KIF5C: variants seen among roughly 807,000 people sequenced by gnomAD.
The protein encoded by KIF5C is kinesin family member 5C, also known as kinesin heavy chain isoform 5C.
A neutral mutation model predicts 125.2 loss-of-function variants in KIF5C; 18 were observed. The ratio of observed to expected loss-of-function variants is 0.14; its 90% CI spans 0.10 to 0.21. The LOEUF (loss-of-function observed/expected upper bound fraction) is 0.21. Ranked by LOEUF, KIF5C falls within the 10% of genes least tolerant of loss-of-function variation. The pLI, the probability that KIF5C is intolerant of heterozygous loss-of-function variation, is 1.00. For synonymous variants in KIF5C, 405 were observed against 434.0 expected, an observed-to-expected ratio of 0.93 and a Z score of 0.83; for missense variants, 780 against 1,183.8, an observed-to-expected ratio of 0.66 and a Z score of 5.01.
At chr2:149,018,285 C>A (rs748490131) in intron 25 of KIF5C, among the ~76,000 whole-genome samples, 7 of 151,954 alleles carry the variant, frequency 4.6e-5, no homozygotes, top group Non-Finnish European at 8.8e-5. Context: ...TGAGATTCTA[C>A]CTCAAAAATA....
At chr2:148,902,635 G>C (rs940370280) in intron 1 of KIF5C, among the ~76,000 whole-genome samples, 3 of 152,170 alleles carry the variant, frequency 2.0e-5, no homozygotes, top group Admixed American at 6.5e-5. Context: ...TCTGTAGTAA[G>C]TACTTTGCCA....
At chr2:148,890,279 G>C (rs1681668352) in intron 1 of KIF5C, among the ~76,000 whole-genome samples, 1 of 152,148 alleles carries the variant, frequency 6.6e-6, no homozygotes, top group African/African-American at 2.4e-5. Context: ...GGGGAGAAAA[G>C]GTATTCAAGA....
intron 1 of KIF5C, among the ~76,000 whole-genome samples, chr2:148,892,690 T>G (rs1681742762): frequency 6.6e-6 from 1 of 152,228 alleles, no homozygotes; most frequent in Admixed American, 6.5e-5. Flanking sequence ...AATGTTTAGA[T>G]GTACTATTAA....
intron 1 of KIF5C, among the ~76,000 whole-genome samples, chr2:148,895,291 C>T (rs954984693): frequency 1.3e-5 from 2 of 152,092 alleles, no homozygotes; most frequent in South Asian, 2.1e-4. Flanking sequence ...GTGTGCACCA[C>T]CACGCCCGGC....
intron 24 of KIF5C, 94 bp downstream of exon 24, chr2:149,010,445 C>T (rs531435377): frequency 2.2e-4 from 317 of 1,453,128 alleles, no homozygotes; most frequent in Middle Eastern, 5.1e-4. Flanking sequence ...CTGGCCCACT[C>T]TGGAACATCT....
At chr2:148,900,496 C>T (rs1485618282) in intron 1 of KIF5C, among the ~76,000 whole-genome samples, 1 of 152,198 alleles carries the variant, frequency 6.6e-6, no homozygotes, top group Admixed American at 6.5e-5. Flanking sequence ...AGGGGCCTCT[C>T]CCTCCCTGCC....
chr2:148,944,843 C>A (rs928411806), intron 7 of KIF5C, among the ~76,000 whole-genome samples: 6 of 152,122 alleles, frequency 3.9e-5, no homozygotes, highest in Non-Finnish European at 8.8e-5. Flanking sequence ...TAATAGCCAT[C>A]CAAATGGTGT....
Position 149,000,732 on chromosome 2 carries a change from G to T in KIF5C, c.2323G>T (p.Asp775Tyr). ...CTTTTTGTTTTTCAGATTGCTCAAC[G>T]ATAAAAGGGAACAAGCCAGAGAAGA... ...MKLEKLLLLN[D>Y]KREQAREDLK... Residue 775 changes from aspartate to tyrosine, a missense_variant, in exon 21 of 26, where the codon GAT becomes TAT. Asp to Tyr is a radical substitution (Grantham distance 160). Transcript: ENST00000435030. 1 of 1,613,896 alleles carries T rather than the reference G, an allele frequency of 6.2e-7. No homozygotes were observed. Among genetic ancestry groups the T allele is most frequent in the Non-Finnish European group, 8.5e-7 (1 of 1,179,862 alleles).
At chr2:149,018,448 A>G (rs903094905) in intron 25 of KIF5C, among the ~76,000 whole-genome samples, 1 of 152,164 alleles carries the variant, frequency 6.6e-6, no homozygotes, top group Non-Finnish European at 1.5e-5. Flanking sequence ...TCCCATAACT[A>G]TGAGTGGTAG....
At chr2:148,902,967 A>G (rs753013182) in intron 1 of KIF5C, among the ~76,000 whole-genome samples, 5 of 152,118 alleles carry the variant, frequency 3.3e-5, no homozygotes, top group Non-Finnish European at 7.4e-5. Flanking sequence ...CCTAAATTCA[A>G]CATTTATGCA....
At chr2:148,963,941 T>C (rs567799142) in intron 11 of KIF5C, among the ~76,000 whole-genome samples, 12 of 152,294 alleles carry the variant, frequency 7.9e-5, no homozygotes, top group African/African-American at 2.6e-4. Flanking sequence ...TCAGTCCTGT[T>C]TTTGGCCTCT....
rs1270858929 is a variant in KIF5C, at chr2:149,026,492, T to TA, written c.*3423dup. The TA allele has an allele frequency of 1.3e-5, 2 of 152,436 alleles. No homozygotes were observed. The highest frequency in any genetic ancestry group is 2.9e-5 in the Non-Finnish European group (2 of 68,038). 9.4% of individuals were successfully genotyped at this position (152,436 alleles called of 1,614,324 possible). Reference sequence around the variant, plus strand: ...CTGCAGATGTGTGTTCTCTGGGCTTTATGTATCTGTACAGTAGCTTTCACA... The same window carrying TA: ...CTGCAGATGTGTGTTCTCTGGGCTTTAATGTATCTGTACAGTAGCTTTCACA... On this transcript the variant is annotated 3_prime_UTR_variant, in exon 26 of 26. Transcript: ENST00000435030.
At chr2:148,891,644 C>G (rs558439574) in intron 1 of KIF5C, among the ~76,000 whole-genome samples, 5 of 152,302 alleles carry the variant, frequency 3.3e-5, no homozygotes, top group African/African-American at 9.6e-5. Flanking sequence ...AGTGACAACA[C>G]TTAAATAAGT....
At chr2:148,987,505 A>C (rs1437937614) in intron 15 of KIF5C, among the ~76,000 whole-genome samples, 1 of 152,106 alleles carries the variant, frequency 6.6e-6, no homozygotes, top group Non-Finnish European at 1.5e-5. Context: ...AGTGGAGTGA[A>C]TATTTCAAAA....
chr2:149,013,132 A>G (rs1190447761), intron 25 of KIF5C, among the ~76,000 whole-genome samples: 1 of 152,242 alleles, frequency 6.6e-6, no homozygotes, highest in Non-Finnish European at 1.5e-5. Context: ...CATGGTTTAT[A>G]CAGGATGGCG....
In KIF5C at chr2:148,962,042, A is replaced by C; in HGVS notation, c.1040A>C (p.Glu347Ala). The C allele has an allele frequency of 6.2e-7, 1 of 1,614,050 alleles. No individual in the cohort carries two copies. The highest frequency in any genetic ancestry group is 8.5e-7 in the Non-Finnish European group (1 of 1,179,882). ...GCAGAAGAATGGAAGAAGAAATATG[A>C]AAAAGAGAAAGAGAAAAACAAGACT... ...LTAEEWKKKY[E>A]KEKEKNKTLK... Residue 347 changes from glutamate to alanine, a missense_variant, in exon 11 of 26, where the codon GAA (glutamate) becomes GCA (alanine). Around this residue, in one of 2 missense-constraint regions of KIF5C, gnomAD observed 207 missense variants for 441.2 expected, o/e 0.47. Coordinates refer to ENST00000435030, the MANE Select transcript of KIF5C (RefSeq NM_004522.3).
chr2:148,944,732 C>T (rs1451310554), intron 7 of KIF5C, among the ~76,000 whole-genome samples: 9 of 152,126 alleles, frequency 5.9e-5, no homozygotes, highest in East Asian at 5.8e-4. Flanking sequence ...GCTATTATTA[C>T]GATTTTCTAT....
chr2:148,974,788 C>T (rs1681017874), intron 12 of KIF5C, among the ~76,000 whole-genome samples: 1 of 152,170 alleles, frequency 6.6e-6, no homozygotes, highest in Non-Finnish European at 1.5e-5. Context: ...CCAATGGGCT[C>T]ATTTTTAGTA....
chr2:148,967,156 C>T (rs949782795), intron 11 of KIF5C, among the ~76,000 whole-genome samples: 3 of 152,192 alleles, frequency 2.0e-5, no homozygotes, highest in East Asian at 1.9e-4. Context: ...AGGATAACTC[C>T]GGGCATGTGC....
Sources: allele counts gnomAD v4.1 joint callset (sites outside exome capture counted in the v4.1 genomes callset), GRCh38; gene constraint gnomAD v4.1.1; regional missense constraint gnomAD v4.1.1; transcripts MANE v1.5; gene names NCBI Gene and HGNC (gene_info 2026-07-23, HGNC 2026-07-21).